SLC14A2: variants seen among roughly 807,000 people sequenced by gnomAD.
SLC14A2 encodes urea transporter 2.
Under a neutral mutation model 104.6 loss-of-function variants are expected in SLC14A2, and 91 were observed. The observed-to-expected ratio is 0.87, with a 90% CI of 0.73 to 1.04. The LOEUF (loss-of-function observed/expected upper bound fraction) is 1.04. Among genes scored for constraint, SLC14A2 ranks in the 50% least tolerant of loss-of-function variants. The pLI, the probability that SLC14A2 is intolerant of heterozygous loss-of-function variation, is 0.00. For synonymous variants in SLC14A2, 476 were observed against 466.4 expected, an observed-to-expected ratio of 1.02 and a Z score of -0.27; for missense variants, 1,189 against 1,156.0, an observed-to-expected ratio of 1.03 and a Z score of -0.41.
intron 18 of SLC14A2, among the ~76,000 whole-genome samples, chr18:45,675,155 G>A (rs1222304469): frequency 6.6e-6 from 1 of 152,198 alleles, no homozygotes; most frequent in African/African-American, 2.4e-5. Flanking sequence ...CAATGAGCCT[G>A]ACGATCTCAG....
At position 45,327,132 on chromosome 18, in the gene SLC14A2, C is replaced by T. The variant is rs113036836; in HGVS notation, c.-125+113941C>T. 8.6e-3 allele frequency among the ~76,000 whole-genome samples: 1,306 copies of T among 152,184 alleles called. 21 individuals are homozygous for T. Among genetic ancestry groups the T allele is most frequent in the African/African-American group, 0.03 (1,255 of 41,530 alleles). Reference sequence around the variant, plus strand: ...GAGAGTTACCTAGCTCTCCTCTTAACAAAATATGCTCAACCCAAGATGTTC... The same window carrying T: ...GAGAGTTACCTAGCTCTCCTCTTAATAAAATATGCTCAACCCAAGATGTTC... On this transcript the variant is annotated intron_variant, in intron 1 of 20. Coordinates refer to the SLC14A2 transcript ENST00000586448.
intron 1 of SLC14A2, among the ~76,000 whole-genome samples, chr18:45,432,225 AC>A (rs2086528059): frequency 6.6e-6 from 1 of 152,172 alleles, no homozygotes; most frequent in Admixed American, 6.5e-5. Context: ...CCCTCCCCGT[AC>A]AGTGTTCTGC....
chr18:45,567,054 TAGTGTG>T (rs942300263), intron 2 of SLC14A2, among the ~76,000 whole-genome samples: 3 of 95,230 alleles, frequency 3.2e-5, no homozygotes, highest in African/African-American at 9.1e-5. Flanking sequence ...CATGTGCACA[TAGTGTG>T]TGTGTGTGTG....
chr18:45,295,314 T>TC (rs397957900), intron 1 of SLC14A2, among the ~76,000 whole-genome samples: 2 of 151,968 alleles, frequency 1.3e-5, no homozygotes, highest in Non-Finnish European at 2.9e-5. Flanking sequence ...TTTTTTTTTT[T>TC]AGGAATAGGG....
At chr18:45,610,097 T>TCC (rs1225924891) in intron 2 of SLC14A2, among the ~76,000 whole-genome samples, 1 of 152,078 alleles carries the variant, frequency 6.6e-6, no homozygotes, top group African/African-American at 2.4e-5. Flanking sequence ...CCATCCCCTC[T>TCC]CCCTTCTTAT....
chr18:45,513,174 C>A (rs1178495605), intron 2 of SLC14A2, among the ~76,000 whole-genome samples: 1 of 152,210 alleles, frequency 6.6e-6, no homozygotes, highest in Non-Finnish European at 1.5e-5. Context: ...TCTACTCAGA[C>A]TTCTTCTGGA....
At chr18:45,318,361 C>G (rs2085151037) in intron 1 of SLC14A2, among the ~76,000 whole-genome samples, 1 of 152,176 alleles carries the variant, frequency 6.6e-6, no homozygotes, top group African/African-American at 2.4e-5. Flanking sequence ...GTGCTCCAGT[C>G]CCTGCTTTCC....
chr18:45,439,316 GT>G (rs767462954), intron 1 of SLC14A2, among the ~76,000 whole-genome samples: 39 of 152,042 alleles, frequency 2.6e-4, no homozygotes, highest in Admixed American at 9.8e-4. Flanking sequence ...TGGTTTGCTT[GT>G]CAGATTTCAC....
At chr18:45,671,210 G>A (rs1034741830) in intron 16 of SLC14A2, among the ~76,000 whole-genome samples, 14 of 152,032 alleles carry the variant, frequency 9.2e-5, no homozygotes, top group Non-Finnish European at 1.8e-4. Flanking sequence ...AAGAAATTTT[G>A]AAATTTTATA....
At chr18:45,553,076 G>C (rs1029627784) in intron 2 of SLC14A2, among the ~76,000 whole-genome samples, 1 of 152,174 alleles carries the variant, frequency 6.6e-6, no homozygotes, top group African/African-American at 2.4e-5. Flanking sequence ...AGGTGACAGG[G>C]TAGATCAGGG....
At chr18:45,355,386 C>T (rs1364182429) in intron 1 of SLC14A2, among the ~76,000 whole-genome samples, 2 of 151,770 alleles carry the variant, frequency 1.3e-5, no homozygotes, top group Non-Finnish European at 1.5e-5. Context: ...CCAGCCTGAC[C>T]AATACGGTGA....
intron 1 of SLC14A2, among the ~76,000 whole-genome samples, chr18:45,441,385 C>T (rs2086680248): frequency 6.6e-6 from 1 of 152,154 alleles, no homozygotes; most frequent in African/African-American, 2.4e-5. Context: ...CTCACACTCC[C>T]CTTTTCTCCA....
intron 1 of SLC14A2, among the ~76,000 whole-genome samples, chr18:45,298,364 C>T (rs1374001379): frequency 6.6e-6 from 1 of 152,142 alleles, no homozygotes; most frequent in Admixed American, 6.6e-5. Context: ...TGCTTGTTTC[C>T]CCTTTGATGC....
At chr18:45,233,473 G>A (rs1191767703) in intron 1 of SLC14A2, among the ~76,000 whole-genome samples, 1 of 152,066 alleles carries the variant, frequency 6.6e-6, no homozygotes, top group Non-Finnish European at 1.5e-5. Context: ...ACACCTAGAA[G>A]CACTGGAAGA....
At chr18:45,318,840 C>G (rs1405390298) in intron 1 of SLC14A2, among the ~76,000 whole-genome samples, 1 of 152,004 alleles carries the variant, frequency 6.6e-6, no homozygotes, top group Non-Finnish European at 1.5e-5. Context: ...TCACTCAGCC[C>G]CGGTCAGCAT....
chr18:45,266,638 T>C (rs2144110509), intron 1 of SLC14A2, among the ~76,000 whole-genome samples: 1 of 152,292 alleles, frequency 6.6e-6, no homozygotes. Flanking sequence ...TGTGAAAATC[T>C]CACTACAAAC....
chr18:45,661,456 G>T (rs1412233862), intron 10 of SLC14A2, among the ~76,000 whole-genome samples: 1 of 152,160 alleles, frequency 6.6e-6, no homozygotes, highest in East Asian at 1.9e-4. Flanking sequence ...TGTGCCTTTC[G>T]ATATAATGCA....
rs556789810 is a variant in SLC14A2 at position 45,412,848 on chromosome 18, A to G, written c.-124-70385A>G. Among the ~76,000 whole-genome samples the G allele has an allele frequency of 3.3e-5, 5 of 152,304 alleles. No individual in the cohort carries two copies. In the South Asian group the frequency reaches 1.0e-3, roughly 32 times the overall value. On this transcript the variant is annotated intron_variant, in intron 1 of 20. Transcript: ENST00000586448. The stretch of plus-strand genomic sequence containing the variant: ...GGTGGTCTAAGTAAGTGGAGGTGAC[A>G]GGGTGGAAGTGTGGCAAGCCCTAAC...
At chr18:45,420,178 C>A (rs1197433633) in intron 1 of SLC14A2, among the ~76,000 whole-genome samples, 2 of 152,158 alleles carry the variant, frequency 1.3e-5, no homozygotes, top group East Asian at 1.9e-4. Context: ...TTAGTGCTGG[C>A]TGTTGGCAAG....
Sources: gnomAD v4.1 joint callset for allele counts (sites outside exome capture counted in the v4.1 genomes callset) on GRCh38, gnomAD v4.1.1 for gene constraint, MANE v1.5 for transcripts, NCBI Gene and HGNC (gene_info 2026-07-23, HGNC 2026-07-21) for gene names.